The following CCDC15 variants were observed in gnomAD, a reference collection of about 807,000 sequenced individuals.
CCDC15 encodes the protein coiled-coil domain containing 15.
Under a neutral mutation model 114.5 loss-of-function variants are expected in CCDC15, and 105 were observed. The observed-to-expected ratio is 0.92, with a 90% CI of 0.78 to 1.08. The LOEUF is 1.08. Ranked by LOEUF, CCDC15 falls within the 50% of genes least tolerant of loss-of-function variation. The pLI, the probability that CCDC15 is intolerant of heterozygous loss-of-function variation, is 0.00. For synonymous variants in CCDC15, 334 were observed against 377.8 expected, an observed-to-expected ratio of 0.88 and a Z score of 1.34; for missense variants, 1,105 against 1,093.6, an observed-to-expected ratio of 1.01 and a Z score of -0.15.
At chr11:124,965,868 A>G (rs960452659) in intron 4 of CCDC15, among the ~76,000 whole-genome samples, 73 of 152,160 alleles carry the variant, frequency 4.8e-4, no homozygotes, top group African/African-American at 1.7e-3. Flanking sequence ...TTCAAAGAAT[A>G]TCTTTATTTC....
chr11:125,038,944 A>G lies in CCDC15; in HGVS notation c.2609A>G (p.Gln870Arg), dbSNP rs187634499. Residue 870 changes from glutamine (Q) to arginine (R), a missense_variant, in exon 15 of 16, where the codon CAA (glutamine) becomes CGA (arginine). By Grantham distance (43) the Gln-to-Arg change is conservative. Coordinates refer to ENST00000344762, the MANE Select transcript of CCDC15 (RefSeq NM_025004.3). The stretch of plus-strand genomic sequence containing the variant: ...AGATATGTAGAAGCTTTACGAGCCC[A>G]AATCCAGGAGAAAATGCAGCTGTAT... ...YLRYVEALRA[Q>R]IQEKMQLYNI... 3 of 1,613,340 alleles carry G rather than the reference A, an allele frequency of 1.9e-6. No homozygotes were observed.
chr11:125,004,026 GGAAA>G, intron 12 of CCDC15, 67 bp downstream of exon 12: 2 of 823,798 alleles, frequency 2.4e-6, no homozygotes, highest in Non-Finnish European at 3.6e-6. Flanking sequence ...ATGAGAAATT[GGAAA>G]CAATTTGTTG....
chr11:124,993,516 G>T lies in CCDC15; in HGVS notation c.2214+273G>T, dbSNP rs147120753. On this transcript the variant is annotated intron_variant, in intron 11 of 15. Coordinates refer to ENST00000344762, the MANE Select transcript of CCDC15 (RefSeq NM_025004.3). ...CCATTGCCACAGGAATGATGATCCCGCTTGGATAACTTATGTTCAGTGTTT... is the reference window on the plus strand; with the variant it reads ...CCATTGCCACAGGAATGATGATCCCTCTTGGATAACTTATGTTCAGTGTTT... Among the ~76,000 whole-genome samples, 5 of 152,236 alleles carry T rather than the reference G, an allele frequency of 3.3e-5. No homozygotes were observed. The East Asian group carries it at 9.7e-4, about 29-fold the overall frequency.
Position 124,977,487 on chromosome 11 carries a change from T to G in CCDC15, c.640T>G (p.Ser214Ala). ...GTAATTTTTTTTCCAGGAAGTGCTT[T>G]CCAGGAAACCAGCATCCACTGGGAT... ...KSFLTREEVL[S>A]RKPASTGINT... The change falls in exon 6 of 16, where the codon TCC (serine) becomes GCC (alanine). Residue 214 changes from serine to alanine, a missense_variant. Physicochemically the swap from Ser to Ala is moderately conservative, Grantham distance 99 (BLOSUM62 1). Coordinates refer to ENST00000344762, the MANE Select transcript of CCDC15 (RefSeq NM_025004.3). 6.3e-7 allele frequency: 1 copy of G among 1,591,648 alleles called. No individual in the cohort carries two copies. Among genetic ancestry groups the G allele is most frequent in the Non-Finnish European group, 8.6e-7 (1 of 1,169,546 alleles).
At position 124,975,150 on chromosome 11, in the gene CCDC15, AT is replaced by A; in HGVS notation, c.573del (p.Lys194ArgfsTer29). On this transcript the variant is annotated frameshift_variant, in exon 5 of 16. Transcript: ENST00000344762. LOFTEE classifies it high-confidence loss of function. ...CCGGCTAGCATCCTTTAAAACCGTGATTAAAAAAAAGGGATCAGTGTTTCCA... is the reference window on the plus strand; with the variant it reads ...CCGGCTAGCATCCTTTAAAACCGTGATAAAAAAAAGGGATCAGTGTTTCCA... ...RHRLASFKTVIKKKGSVFPDD... is the reference protein window; with the variant it reads ...RHRLASFKTVXKKKGSVFPDD... 1 of 1,605,598 alleles carries A rather than the reference AT, an allele frequency of 6.2e-7. No individual in the cohort carries two copies.
chr11:124,986,634 CA>C (rs1948160404), intron 6 of CCDC15, 107 bp from the exon 7 acceptor site: 1 of 1,214,422 alleles, frequency 8.2e-7, no homozygotes, highest in African/African-American at 1.6e-5. Flanking sequence ...TTATTGCAAT[CA>C]CATTGTTTCT....
At position 124,986,700 on chromosome 11, in the gene CCDC15, T is replaced by TGTGTGTGTGCGC. The variant is rs878887902; in HGVS notation, c.754-41_754-40insTGTGTGTGCGCG. ...GTGTGTGTGTGTGTGTTTGTGTGTGTGCGCGCGCGCGCGTGCGCGTTTTCA... is the reference window on the plus strand; with the variant it reads ...GTGTGTGTGTGTGTGTTTGTGTGTGTGTGTGTGTGCGCGCGCGCGCGCGCGTGCGCGTTTTCA... On this transcript the variant is annotated intron_variant, in intron 6 of 15. Coordinates refer to ENST00000344762, the MANE Select transcript of CCDC15 (RefSeq NM_025004.3). The TGTGTGTGTGCGC allele has an allele frequency of 1.4e-3, 1,903 of 1,351,982 alleles. 12 individuals are homozygous for TGTGTGTGTGCGC. Among genetic ancestry groups the TGTGTGTGTGCGC allele is most frequent in the African/African-American group, 5.1e-3 (311 of 61,550 alleles). 83.7% of individuals were successfully genotyped at this position (1,351,982 alleles called of 1,614,324 possible).
At chr11:125,009,728 C>T (rs1421893881) in intron 13 of CCDC15, among the ~76,000 whole-genome samples, 2 of 152,136 alleles carry the variant, frequency 1.3e-5, no homozygotes, top group Admixed American at 6.5e-5. Flanking sequence ...AAGTTTAGCT[C>T]CCACTTATAA....
intron 6 of CCDC15, among the ~76,000 whole-genome samples, chr11:124,982,981 T>C (rs1948096626): frequency 6.6e-6 from 1 of 152,192 alleles, no homozygotes; most frequent in Admixed American, 6.5e-5. Context: ...TTGGAGGTTT[T>C]GTTTATTCTT....
At position 125,003,892 on chromosome 11, in the gene CCDC15, T is replaced by A; in HGVS notation, c.2240T>A (p.Leu747Ter). The stretch of plus-strand genomic sequence containing the variant: ...GCTTATGATAGGTATCAATCAGGAT[T>A]GAGCACTGAATTCCAAGCTCCACTG... ...PLAYDRYQSG[L>*]STEFQAPLAF... Residue 747 changes from leucine (L) to a stop codon, truncating the protein, a stop_gained, in exon 12 of 16, where the codon TTG (leucine) becomes TAG (stop). Transcript: ENST00000344762. LOFTEE classifies it high-confidence loss of function. 1 of 1,565,966 alleles carries A rather than the reference T, an allele frequency of 6.4e-7. No homozygotes were observed. The highest frequency in any genetic ancestry group is 8.6e-7 in the Non-Finnish European group (1 of 1,162,106).
intron 4 of CCDC15, among the ~76,000 whole-genome samples, chr11:124,972,527 G>T (rs1030416937): frequency 6.6e-6 from 1 of 151,970 alleles, no homozygotes; most frequent in African/African-American, 2.4e-5. Context: ...TTGTTAAATT[G>T]CTTGTTAACA....
At chr11:124,964,852 G>C (rs12801822) in intron 4 of CCDC15, among the ~76,000 whole-genome samples, 30,835 of 152,006 alleles carry the variant, frequency 0.2, 3,713 homozygotes, top group African/African-American at 0.33. Flanking sequence ...TAGCATGAAG[G>C]GCTGTTGAAT....
intron 11 of CCDC15, among the ~76,000 whole-genome samples, chr11:125,000,025 C>T (rs1217232954): frequency 6.6e-6 from 1 of 151,670 alleles, no homozygotes; most frequent in Non-Finnish European, 1.5e-5. Flanking sequence ...CCACGCCTGG[C>T]TAATTTTTTT....
At chr11:124,986,610 T>C in intron 6 of CCDC15, 132 bp from the exon 7 acceptor site, 2 of 1,018,604 alleles carry the variant, frequency 2.0e-6, no homozygotes, top group African/African-American at 1.7e-5. Context: ...AGCAGTGACC[T>C]GAAGCCTAGA....
chr11:125,007,838 A>G (rs1459645597), intron 13 of CCDC15, among the ~76,000 whole-genome samples: 1 of 152,182 alleles, frequency 6.6e-6, no homozygotes, highest in Non-Finnish European at 1.5e-5. Flanking sequence ...CACCCGGATG[A>G]CAAGCATGAG....
chr11:124,986,279 A>G (rs952994545), intron 6 of CCDC15, among the ~76,000 whole-genome samples: 1 of 152,226 alleles, frequency 6.6e-6, no homozygotes, highest in Non-Finnish European at 1.5e-5. Flanking sequence ...ATTGGGAGGA[A>G]TGAGATCTTC....
chr11:125,032,058 A>AT lies in CCDC15; in HGVS notation c.2412-6365dup, dbSNP rs1034549106. ...TAGAAGTTCCCTGAATTTTAGTCAG[A>AT]TTTTTTTTCCCATCCTCTGGCGTGC... On this transcript the variant is annotated intron_variant, in intron 13 of 15. Transcript: ENST00000344762. Among the ~76,000 whole-genome samples the AT allele has an allele frequency of 2.0e-4, 31 of 152,188 alleles. 1 individual carries two copies. In the East Asian group the frequency reaches 5.0e-3, roughly 25 times the overall value.
Position 124,954,725 on chromosome 11 carries a change from A to T in CCDC15, c.-8A>T, listed in dbSNP as rs1306213412. Reference sequence around the variant, plus strand: ...AAGCTTTTTCTTTCTCCTAATCAGGAGTCACAGATGCTGGGAAGTATGGCC... The same window carrying T: ...AAGCTTTTTCTTTCTCCTAATCAGGTGTCACAGATGCTGGGAAGTATGGCC... On this transcript the variant is annotated splice_region_variant and 5_prime_UTR_variant, in exon 2 of 16. Transcript: ENST00000344762. The T allele has an allele frequency of 4.3e-6, 7 of 1,613,540 alleles. No individual in the cohort carries two copies. Among genetic ancestry groups the T allele is most frequent in the Non-Finnish European group, 5.9e-6 (7 of 1,179,612 alleles).
chr11:124,987,926 A>G lies in CCDC15; in HGVS notation c.1700A>G (p.Gln567Arg), dbSNP rs1270357726. Residue 567 changes from glutamine (Q) to arginine (R), a missense_variant, in exon 8 of 16, where the codon CAA becomes CGA. By Grantham distance (43) the Gln-to-Arg change is conservative. Transcript: ENST00000344762. ...CQDQDFLPRD[Q>R]GVLPKDQNIL... ...GACCAGGATTTTCTACCCAGAGACCAAGGTGTTCTTCCCAAAGACCAAAAT... is the reference window on the plus strand; with the variant it reads ...GACCAGGATTTTCTACCCAGAGACCGAGGTGTTCTTCCCAAAGACCAAAAT... 6.2e-7 allele frequency: 1 copy of G among 1,614,006 alleles called. No individual in the cohort carries two copies. The highest frequency in any genetic ancestry group is 1.7e-5 in the Admixed American group (1 of 60,032).
Sources: allele counts gnomAD v4.1 joint callset (sites outside exome capture counted in the v4.1 genomes callset), GRCh38; gene constraint gnomAD v4.1.1; transcripts MANE v1.5; gene names NCBI Gene and HGNC (gene_info 2026-07-23, HGNC 2026-07-21).